The following LRRC1 variants were observed in gnomAD, a reference collection of about 807,000 sequenced individuals.
LRRC1 encodes leucine-rich repeat-containing protein 1.
LRRC1 carries 28 observed loss-of-function variants against 69.9 expected under a neutral mutation model. The ratio of observed to expected loss-of-function variants is 0.40; its 90% confidence interval spans 0.30 to 0.55. The LOEUF is 0.55. LRRC1 is among the 20% of genes least tolerant of loss of function. The pLI is 0.47. For missense variants in LRRC1, 498 were observed against 609.0 expected (o/e 0.82, Z 1.92); for synonymous variants, 236 against 240.2 (o/e 0.98, Z 0.16).
intron 10 of LRRC1, 119 bp downstream of exon 10, chr6:53,904,581 A>G (rs1768171490): frequency 6.4e-6 from 4 of 627,968 alleles, no homozygotes; most frequent in Non-Finnish European, 1.1e-5. Context: ...AAAGGTGTGA[A>G]CTCTAAATCT....
At chr6:53,816,378 A>G (rs1190561137) in intron 1 of LRRC1, among the ~76,000 whole-genome samples, 1 of 152,014 alleles carries the variant, frequency 6.6e-6, no homozygotes, top group Non-Finnish European at 1.5e-5. Flanking sequence ...TTCCGAGTTC[A>G]TTACGTGACA....
intron 1 of LRRC1, among the ~76,000 whole-genome samples, chr6:53,836,641 G>GT (rs1054852103): frequency 6.6e-6 from 1 of 151,898 alleles, no homozygotes; most frequent in Non-Finnish European, 1.5e-5. Flanking sequence ...ACTTTAAAAA[G>GT]TTTTTTTTAT....
intron 2 of LRRC1, among the ~76,000 whole-genome samples, chr6:53,853,736 A>C (rs1396551027): frequency 6.6e-6 from 1 of 152,252 alleles, no homozygotes; most frequent in Non-Finnish European, 1.5e-5. Context: ...TAATCAGGAA[A>C]GACAAATACT....
At chr6:53,808,129 G>GA (rs1395189378) in intron 1 of LRRC1, among the ~76,000 whole-genome samples, 1 of 152,224 alleles carries the variant, frequency 6.6e-6, no homozygotes, top group Non-Finnish European at 1.5e-5. Flanking sequence ...CTGCTGATTA[G>GA]AAATTAGATG....
intron 2 of LRRC1, among the ~76,000 whole-genome samples, chr6:53,875,859 T>G (rs746529912): frequency 2.6e-5 from 4 of 152,212 alleles, no homozygotes; most frequent in Non-Finnish European, 4.4e-5. Context: ...ATTAGCATAC[T>G]CATCTAAAGC....
intron 2 of LRRC1, among the ~76,000 whole-genome samples, chr6:53,875,881 C>G (rs768266189): frequency 1.3e-5 from 2 of 152,230 alleles, no homozygotes; most frequent in Non-Finnish European, 2.9e-5. Flanking sequence ...TTTATCATTT[C>G]TTTGTGTTAG....
intron 2 of LRRC1, among the ~76,000 whole-genome samples, chr6:53,849,120 A>G (rs1181921326): frequency 6.6e-6 from 1 of 150,990 alleles, no homozygotes; most frequent in East Asian, 1.9e-4. Flanking sequence ...GTTTGAGAAC[A>G]ACACCTTTGA....
chr6:53,838,674 G>A (rs538435229), intron 1 of LRRC1, among the ~76,000 whole-genome samples: 1 of 152,152 alleles, frequency 6.6e-6, no homozygotes, highest in Non-Finnish European at 1.5e-5. Flanking sequence ...TCTATTGAAT[G>A]GCTTTTGTGC....
intron 4 of LRRC1, among the ~76,000 whole-genome samples, chr6:53,896,001 T>G (rs1767857550): frequency 6.6e-6 from 1 of 152,206 alleles, no homozygotes; most frequent in Non-Finnish European, 1.5e-5. Context: ...CATAAGTAGA[T>G]CAACTTGGAC....
chr6:53,888,822 C>T (rs1216102416), intron 4 of LRRC1, among the ~76,000 whole-genome samples: 1 of 152,076 alleles, frequency 6.6e-6, no homozygotes, highest in Non-Finnish European at 1.5e-5. Context: ...AGCTATGACA[C>T]CAAAGTCTGT....
chr6:53,898,093 C>CTCTGTATTTT (rs1272939877), intron 7 of LRRC1, among the ~76,000 whole-genome samples: 2 of 152,282 alleles, frequency 1.3e-5, no homozygotes, highest in East Asian at 3.9e-4. Context: ...TTGTAAAGGG[C>CTCTGTATTTT]TCTGTATTTT....
At chr6:53,853,282 AT>A (rs59868633) in intron 2 of LRRC1, among the ~76,000 whole-genome samples, 1,774 of 130,220 alleles carry the variant, frequency 0.014, 13 homozygotes, top group Middle Eastern at 0.029. Flanking sequence ...GGTGGTTCAT[AT>A]TTTTTTTTTT....
intron 2 of LRRC1, among the ~76,000 whole-genome samples, chr6:53,867,446 C>T (rs1485426325): frequency 6.6e-6 from 1 of 151,090 alleles, no homozygotes; most frequent in Non-Finnish European, 1.5e-5. Context: ...CTATAAATCT[C>T]ACTAATTGAA....
At chr6:53,831,970 C>T (rs943519329) in intron 1 of LRRC1, among the ~76,000 whole-genome samples, 1 of 152,112 alleles carries the variant, frequency 6.6e-6, no homozygotes, top group Admixed American at 6.5e-5. Context: ...TGAGTTTTTT[C>T]TTTGCTCGGC....
At chr6:53,860,541 AAG>A (rs1766463047) in intron 2 of LRRC1, among the ~76,000 whole-genome samples, 1 of 151,466 alleles carries the variant, frequency 6.6e-6, no homozygotes. Context: ...ATCTTTTTTA[AAG>A]GGTTACTTTT....
chr6:53,819,889 A>G (rs1226244844), intron 1 of LRRC1, among the ~76,000 whole-genome samples: 3 of 152,140 alleles, frequency 2.0e-5, no homozygotes, highest in Non-Finnish European at 4.4e-5. Context: ...GAGCATGTGA[A>G]TATATATGTG....
chr6:53,803,131 T>C (rs1460821048), intron 1 of LRRC1, among the ~76,000 whole-genome samples: 2 of 152,228 alleles, frequency 1.3e-5, no homozygotes, highest in African/African-American at 4.8e-5. Flanking sequence ...ACTTGGGATT[T>C]CCTTAAAACG....
rs55960000 is a variant in LRRC1 at position 53,800,247 on chromosome 6, CTTTTTTTTTTTTTTT to C, written c.159+4842_159+4856del. ...TTATTTTAAAATAATGTTTCTTTTT[CTTTTTTTTTTTTTTT>C]TTTTTTTTTGAGACGAAGTCTCTCT... On this transcript the variant is annotated intron_variant, in intron 1 of 13. Transcript: ENST00000370888. Among the ~76,000 whole-genome samples, 27 of 89,552 alleles carry C rather than the reference CTTTTTTTTTTTTTTT, an allele frequency of 3.0e-4. 1 individual carries two copies. The highest frequency in any genetic ancestry group is 7.0e-4 in the East Asian group (2 of 2,852). The allele number at this position is 89,552 out of a possible 152,430, so 58.7% of individuals were successfully genotyped here. A position where few individuals can be genotyped will look rare whatever the true frequency, so the allele number is the denominator to read the frequency against.
At chr6:53,859,623 A>C (rs970176105) in intron 2 of LRRC1, among the ~76,000 whole-genome samples, 2 of 152,194 alleles carry the variant, frequency 1.3e-5, no homozygotes, top group Non-Finnish European at 2.9e-5. Flanking sequence ...CCAGTTCAAA[A>C]TTCAAGCATC....
Sources: gnomAD v4.1 joint callset for allele counts (sites outside exome capture counted in the v4.1 genomes callset) on GRCh38, gnomAD v4.1.1 for gene constraint, MANE v1.5 for transcripts, NCBI Gene and HGNC (gene_info 2026-07-23, HGNC 2026-07-21) for gene names.